Variants in PDE4D observed in about 807,000 individuals in gnomAD.
The protein encoded by PDE4D is phosphodiesterase 4D, also known as 3',5'-cyclic-AMP phosphodiesterase 4D.
In PDE4D, 24 loss-of-function variants were observed where a neutral mutation model predicts 87.4. That is an observed-to-expected ratio of 0.27 (90% CI 0.20 to 0.39). The LOEUF (loss-of-function observed/expected upper bound fraction) is 0.39. Ranked by LOEUF, PDE4D falls within the 10% of genes least tolerant of loss-of-function variation. The pLI is 1.00. For synonymous variants in PDE4D, 384 were observed against 383.2 expected, an observed-to-expected ratio of 1.00 and a Z score of -0.02; for missense variants, 714 against 1,041.0, an observed-to-expected ratio of 0.69 and a Z score of 4.32.
intron 2 of PDE4D, chr5:60,148,008 A>C (rs762356777): frequency 3.7e-4 from 93 of 253,230 alleles, no homozygotes; most frequent in Middle Eastern, 1.3e-3. Context: ...ATTTGAAAGG[A>C]GATGACCCAA....
chr5:60,496,225 C>T (rs1749809402), intron 1 of PDE4D, among the ~76,000 whole-genome samples: 1 of 152,144 alleles, frequency 6.6e-6, no homozygotes, highest in African/African-American at 2.4e-5. Flanking sequence ...TAGGACAAAG[C>T]GCTGTTGTTT....
At chr5:59,590,087 G>C (rs1331272979) in intron 1 of PDE4D, among the ~76,000 whole-genome samples, 1 of 151,872 alleles carries the variant, frequency 6.6e-6, no homozygotes, top group East Asian at 1.9e-4. Context: ...GCAGACATAA[G>C]GCAACAAATA....
At chr5:60,447,050 T>C (rs920133885) in intron 1 of PDE4D, among the ~76,000 whole-genome samples, 4 of 152,112 alleles carry the variant, frequency 2.6e-5, no homozygotes, top group Non-Finnish European at 5.9e-5. Flanking sequence ...GGCAATGTGG[T>C]GATTGTTCTG....
chr5:60,337,149 T>A (rs1757827753), intron 1 of PDE4D, among the ~76,000 whole-genome samples: 1 of 135,514 alleles, frequency 7.4e-6, no homozygotes. Flanking sequence ...GTGAACCCTG[T>A]CTCTACTGAA....
intron 1 of PDE4D, among the ~76,000 whole-genome samples, chr5:60,256,455 T>A (rs1462852451): frequency 1.3e-5 from 2 of 151,954 alleles, no homozygotes; most frequent in Non-Finnish European, 1.5e-5. Flanking sequence ...TTGTTTAAAA[T>A]ATGAAATCAA....
rs1491053147 is a variant in PDE4D at position 59,200,033 on chromosome 5, GCA to G, written c.648-6499_648-6498del. The stretch of plus-strand genomic sequence containing the variant: ...TACATACATGCACATATACATACAT[GCA>G]CACACACGTATGTACACACATGCAT... On this transcript the variant is annotated intron_variant, in intron 2 of 14. Coordinates refer to ENST00000340635, the MANE Select transcript of PDE4D (RefSeq NM_001104631.2). 5.4e-3 allele frequency among the ~76,000 whole-genome samples: 515 copies of G among 94,630 alleles called. 3 individuals carry two copies. Among genetic ancestry groups the G allele is most frequent in the African/African-American group, 1.0e-2 (306 of 30,738 alleles). The allele number at this position is 94,630 out of a possible 152,430, so 62.1% of individuals were successfully genotyped here.
chr5:59,227,647 C>T (rs1185433218), intron 1 of PDE4D, among the ~76,000 whole-genome samples: 2 of 152,066 alleles, frequency 1.3e-5, no homozygotes, highest in Non-Finnish European at 2.9e-5. Context: ...TGAAAAAATG[C>T]TCAATATCAC....
intron 6 of PDE4D, among the ~76,000 whole-genome samples, chr5:59,022,593 A>T (rs1363917326): frequency 6.6e-6 from 1 of 152,062 alleles, no homozygotes; most frequent in Non-Finnish European, 1.5e-5. Flanking sequence ...TCCCACCTCC[A>T]AATCCTTTAC....
At position 59,703,143 on chromosome 5, in the gene PDE4D, A is replaced by C. The variant is rs1432159559; in HGVS notation, c.455+190025T>G. On this transcript the variant is annotated intron_variant, in intron 1 of 14. Coordinates refer to ENST00000340635, the MANE Select transcript of PDE4D (RefSeq NM_001104631.2). ...TGAATATGGTATGATATCAAGAGTA[A>C]TAAAGTTATTTTGGAAAAAAATAAC... Among the ~76,000 whole-genome samples the C allele has an allele frequency of 2.6e-5, 4 of 152,116 alleles. No individual in the cohort carries two copies. The East Asian group carries it at 7.7e-4, about 29-fold the overall frequency.
intron 1 of PDE4D, among the ~76,000 whole-genome samples, chr5:60,424,830 C>T (rs894670115): frequency 3.3e-5 from 5 of 152,144 alleles, no homozygotes; most frequent in African/African-American, 7.2e-5. Flanking sequence ...GCAACTTCAG[C>T]GAAGTCTCAG....
intron 1 of PDE4D, among the ~76,000 whole-genome samples, chr5:59,717,136 T>C (rs1272700602): frequency 1.3e-5 from 2 of 152,204 alleles, no homozygotes; most frequent in African/African-American, 4.8e-5. Context: ...TTCTCCTGCC[T>C]TTATTCTCTC....
chr5:59,660,640 C>T (rs1198575878), intron 1 of PDE4D, among the ~76,000 whole-genome samples: 2 of 151,970 alleles, frequency 1.3e-5, no homozygotes, highest in Non-Finnish European at 2.9e-5. Context: ...GAATTCAAAC[C>T]CCTGGGACTG....
intron 1 of PDE4D, among the ~76,000 whole-genome samples, chr5:59,566,546 G>A (rs1820930878): frequency 6.9e-6 from 1 of 145,004 alleles, no homozygotes; most frequent in African/African-American, 2.7e-5. Context: ...GTGTGTGTGT[G>A]TGTGTGTGTG....
At chr5:59,027,685 G>T (rs1756495297) in intron 6 of PDE4D, among the ~76,000 whole-genome samples, 1 of 151,964 alleles carries the variant, frequency 6.6e-6, no homozygotes, top group Admixed American at 6.6e-5. Context: ...TATTCCCACG[G>T]GTGTAGGGTT....
At chr5:59,405,993 G>T (rs6893655) in intron 1 of PDE4D, among the ~76,000 whole-genome samples, 26,280 of 152,146 alleles carry the variant, frequency 0.17, 3,059 homozygotes, top group African/African-American at 0.32. Flanking sequence ...GTAGTTTTCT[G>T]TTTGCAATGT....
At chr5:60,331,376 T>C (rs2149869742) in intron 1 of PDE4D, among the ~76,000 whole-genome samples, 1 of 152,300 alleles carries the variant, frequency 6.6e-6, no homozygotes, top group Middle Eastern at 3.4e-3. Flanking sequence ...TGCACCAGAA[T>C]TTACTTATTC....
chr5:59,795,568 T>C (rs907731111), intron 1 of PDE4D, among the ~76,000 whole-genome samples: 4 of 152,222 alleles, frequency 2.6e-5, no homozygotes, highest in Non-Finnish European at 5.9e-5. Flanking sequence ...CTTCTATATA[T>C]ATACTTCTAC....
chr5:59,425,917 C>T (rs993275429), intron 1 of PDE4D, among the ~76,000 whole-genome samples: 1 of 152,074 alleles, frequency 6.6e-6, no homozygotes, highest in Non-Finnish European at 1.5e-5. Context: ...AATTTGTATG[C>T]TGAAGCCCTA....
chr5:59,171,596 A>ACTGTTCC (rs1251359042), intron 5 of PDE4D, among the ~76,000 whole-genome samples: 1 of 151,418 alleles, frequency 6.6e-6, no homozygotes, highest in Non-Finnish European at 1.5e-5. Context: ...TTTGTCCTTT[A>ACTGTTCC]CTGTTCCCAG....
Sources: gnomAD v4.1 joint callset for allele counts (sites outside exome capture counted in the v4.1 genomes callset) on GRCh38, gnomAD v4.1.1 for gene constraint, MANE v1.5 for transcripts, NCBI Gene and HGNC (gene_info 2026-07-23, HGNC 2026-07-21) for gene names.